SRPX2: variants seen among roughly 807,000 people sequenced by gnomAD.
SRPX2 encodes the protein sushi repeat containing protein X-linked 2, also known as sushi repeat-containing protein SRPX2.
A neutral mutation model predicts 45.3 loss-of-function variants in SRPX2; 26 were observed. The observed-to-expected ratio is 0.57, with a 90% CI of 0.42 to 0.80. SRPX2 has a LOEUF of 0.80. Ranked by LOEUF, SRPX2 falls within the 30% of genes least tolerant of loss-of-function variation. SRPX2 has a pLI of 0.00. For missense variants in SRPX2, 355 were observed against 399.8 expected (o/e 0.89, Z 0.95); for synonymous variants, 125 against 143.7 (o/e 0.87, Z 0.93).
rs778800307 is a variant in SRPX2, at chrX:100,666,202, A to G, written c.781+545A>G. Among the ~76,000 whole-genome samples the G allele has an allele frequency of 8.0e-5, 9 of 112,528 alleles. No homozygotes were observed. The East Asian group carries it at 2.5e-3, about 31-fold the overall frequency. ...ATTTTCCTTCCAGTCTTTTTTCTAT[A>G]CATACTTTAAAAAATATATAGTTGA... On this transcript the variant is annotated intron_variant, in intron 7 of 10. Coordinates refer to ENST00000373004, the MANE Select transcript of SRPX2 (RefSeq NM_014467.3).
At chrX:100,670,719 T>A in intron 10 of SRPX2, 88 bp from the exon 11 acceptor site, 1 of 1,005,712 alleles carries the variant, frequency 9.9e-7, no homozygotes, top group South Asian at 1.9e-5. Context: ...AGTCCATGAG[T>A]GGAGCTGCAA....
At chrX:100,652,742 T>C (rs1203103402) in intron 3 of SRPX2, among the ~76,000 whole-genome samples, 1 of 111,060 alleles carries the variant, frequency 9.0e-6, no homozygotes, top group Non-Finnish European at 1.9e-5. Flanking sequence ...TTAAGAAAAA[T>C]AGTTTCAACT....
chrX:100,665,505 C>T, intron 6 of SRPX2, 31 bp from the exon 7 acceptor site: 1 of 1,211,557 alleles, frequency 8.3e-7, no homozygotes, highest in Non-Finnish European at 1.1e-6. Flanking sequence ...GGTCTCTTTC[C>T]TCAGTGTTTA....
At chrX:100,657,349 C>CTTTTTTTGTTTTTTTTTTTTTTTTTTTTT (rs2083172974) in intron 3 of SRPX2, among the ~76,000 whole-genome samples, 1 of 28,417 alleles carries the variant, frequency 3.5e-5, no homozygotes, top group Non-Finnish European at 6.5e-5. Flanking sequence ...TTATTTATGT[C>CTTTTTTTGTTTTTTTTTTTTTTTTTTTTT]TTTTTTTTTT....
intron 2 of SRPX2, chrX:100,649,287 C>T (rs1156551852): frequency 1.8e-5 from 2 of 110,451 alleles, no homozygotes; most frequent in African/African-American, 6.6e-5. Context: ...CCACATCTGG[C>T]CTCCTGTTTA....
Position 100,675,776 on chromosome X carries a change from T to G in SRPX2, c.*4789T>G. 1 of 286,224 alleles carries G rather than the reference T, an allele frequency of 3.5e-6. No homozygotes were observed. The highest frequency in any genetic ancestry group is 6.1e-6 in the Non-Finnish European group (1 of 163,906). The allele number at this position is 286,224 out of a possible 1,213,427, so 23.6% of individuals were successfully genotyped here. On this transcript the variant is annotated 3_prime_UTR_variant, in exon 11 of 11. Transcript: ENST00000373004. ...AAATGGACTCTGAAAATAAACTAGA[T>G]TATACACAGAAACATTTTAAAGAAA... is the stretch of plus-strand genomic sequence containing the variant.
intron 3 of SRPX2, among the ~76,000 whole-genome samples, chrX:100,656,381 A>AGTAG (rs963697358): frequency 9.9e-5 from 11 of 111,322 alleles, no homozygotes. Flanking sequence ...TGCTAAGTAT[A>AGTAG]GTCACCCTAT....
chrX:100,661,619 A>T (rs1013849876), intron 3 of SRPX2, among the ~76,000 whole-genome samples: 1 of 111,590 alleles, frequency 9.0e-6, no homozygotes, highest in Non-Finnish European at 1.9e-5. Flanking sequence ...AAATACAAAA[A>T]CTTAGCCAGG....
chrX:100,667,220 A>C, intron 8 of SRPX2, 54 bp from the exon 9 acceptor site: 1 of 1,210,570 alleles, frequency 8.3e-7, no homozygotes, highest in Non-Finnish European at 1.1e-6. Flanking sequence ...AGGTTACCTA[A>C]GCTGGGATGG....
rs1390672366 is a variant in SRPX2, at chrX:100,674,731, T to C, written c.*3744T>C. On this transcript the variant is annotated 3_prime_UTR_variant, in exon 11 of 11. Transcript: ENST00000373004. Reference sequence around the variant, plus strand: ...TAGCAGCTGACTCTGTTGAAAGGGATTTCCTCTCTGCTATACACTCCTTCC... The same window carrying C: ...TAGCAGCTGACTCTGTTGAAAGGGACTTCCTCTCTGCTATACACTCCTTCC... 9.0e-6 allele frequency: 1 copy of C among 111,661 alleles called. No homozygotes were observed. Among genetic ancestry groups the C allele is most frequent in the African/African-American group, 3.3e-5 (1 of 30,688 alleles). 9.2% of individuals were successfully genotyped at this position (111,661 alleles called of 1,213,427 possible).
chrX:100,670,545 C>T (rs765627427), intron 10 of SRPX2, among the ~76,000 whole-genome samples: 4 of 111,620 alleles, frequency 3.6e-5, no homozygotes, highest in African/African-American at 1.3e-4. Flanking sequence ...ATGAAAGCAC[C>T]GCCTGTTAAT....
At chrX:100,646,790 T>A (rs1048673330) in intron 2 of SRPX2, among the ~76,000 whole-genome samples, 1 of 111,734 alleles carries the variant, frequency 8.9e-6, no homozygotes, top group Non-Finnish European at 1.9e-5. Context: ...ACCACAAAAA[T>A]GGACTTAGAC....
At chrX:100,655,982 G>A (rs1036908588) in intron 3 of SRPX2, among the ~76,000 whole-genome samples, 1 of 103,272 alleles carries the variant, frequency 9.7e-6, no homozygotes, top group Non-Finnish European at 2.0e-5. Context: ...TCCTGCCTCC[G>A]CCTCCCAAGT....
intron 3 of SRPX2, among the ~76,000 whole-genome samples, chrX:100,657,540 G>A (rs185376140): frequency 1.8e-3 from 189 of 105,534 alleles, no homozygotes; most frequent in African/African-American, 6.2e-3. Flanking sequence ...TAGTAGAGAC[G>A]GGATTTCATC....
At chrX:100,661,736 C>G (rs749661783) in intron 3 of SRPX2, among the ~76,000 whole-genome samples, 1 of 112,022 alleles carries the variant, frequency 8.9e-6, no homozygotes, top group Non-Finnish European at 1.9e-5. Flanking sequence ...CGCCACTGCA[C>G]TCCAGCCTGG....
At chrX:100,669,398 GGGGAGGGGGGGCTGGGGC>G in intron 10 of SRPX2, 29 bp downstream of exon 10, 1 of 1,012,459 alleles carries the variant, frequency 9.9e-7, no homozygotes, top group Non-Finnish European at 1.3e-6. Flanking sequence ...CCAAACTTGG[GGGGAGGGGGGGCTGGGGC>G]GGGGGGAGAA....
chrX:100,673,246 A>G lies in SRPX2; in HGVS notation c.*2259A>G, dbSNP rs1487457998. ...AGCGGAGGCCTACTACCTCCTGAAC[A>G]GAGCTCCACCTGGACCTGACTCAAG... On this transcript the variant is annotated 3_prime_UTR_variant, in exon 11 of 11. Transcript: ENST00000373004. 8.9e-6 allele frequency: 1 copy of G among 112,640 alleles called. No homozygotes were observed. Among genetic ancestry groups the G allele is most frequent in the Non-Finnish European group, 1.9e-5 (1 of 53,333 alleles). The allele number at this position is 112,640 out of a possible 1,213,427, so 9.3% of individuals were successfully genotyped here. A position where few individuals can be genotyped will look rare whatever the true frequency, so the allele number is the denominator to read the frequency against.
At chrX:100,669,399 GGGA>G in intron 10 of SRPX2, 30 bp downstream of exon 10, 1 of 1,004,276 alleles carries the variant, frequency 1.0e-6, no homozygotes, top group Non-Finnish European at 1.4e-6. Context: ...CAAACTTGGG[GGGA>G]GGGGGGGCTG....
chrX:100,652,260 A>G (rs2083156026), intron 3 of SRPX2, among the ~76,000 whole-genome samples: 1 of 112,427 alleles, frequency 8.9e-6, no homozygotes, highest in Non-Finnish European at 1.9e-5. Flanking sequence ...GAAAGAGATG[A>G]CAAGACTTAG....
Sources: gnomAD v4.1 joint callset for allele counts (sites outside exome capture counted in the v4.1 genomes callset) on GRCh38, gnomAD v4.1.1 for gene constraint, MANE v1.5 for transcripts, NCBI Gene and HGNC (gene_info 2026-07-23, HGNC 2026-07-21) for gene names.